Variants in NKPD1 observed in about 807,000 individuals in gnomAD.
NKPD1 encodes the protein NTPase KAP family P-loop domain-containing protein 1.
Under a neutral mutation model 42.2 loss-of-function variants are expected in NKPD1, and 37 were observed. The observed-to-expected ratio is 0.88, with a 90% confidence interval of 0.67 to 1.15. NKPD1 has a LOEUF of 1.15. Ranked by LOEUF, NKPD1 falls within the 50% of genes most tolerant of loss-of-function variation. NKPD1 has a pLI of 0.00. For missense variants in NKPD1, 1,113 were observed against 1,174.6 expected (o/e 0.95, Z 0.77); for synonymous variants, 552 against 536.5 (o/e 1.03, Z -0.40).
rs900281529 is a variant in NKPD1, at chr19:45,158,433, C to T, written c.529+230G>A. 8.5e-5 allele frequency among the ~76,000 whole-genome samples: 13 copies of T among 152,216 alleles called. No homozygotes were observed. The highest frequency in any genetic ancestry group is 2.7e-4 in the African/African-American group (11 of 41,460). Reference sequence around the variant, plus strand: ...GGAGAGGGAGGCCTTCACTGCCTGGCGCAGGATGGAGGCACGGGGCAGGCC... The same window carrying T: ...GGAGAGGGAGGCCTTCACTGCCTGGTGCAGGATGGAGGCACGGGGCAGGCC... On this transcript the variant is annotated intron_variant, in intron 3 of 4. Transcript: ENST00000686631. The surrounding 1 kb of genome is among the most constrained non-coding windows in gnomAD (Gnocchi z 4.6).
chr19:45,154,757 T>C (rs1968869799), intron 4 of NKPD1, among the ~76,000 whole-genome samples: 1 of 151,968 alleles, frequency 6.6e-6, no homozygotes, highest in Admixed American at 6.6e-5. Context: ...TCGCGGTGAG[T>C]CACGCCTGTA....
chr19:45,157,921 T>C (rs946291007), intron 3 of NKPD1, among the ~76,000 whole-genome samples: 10 of 150,604 alleles, frequency 6.6e-5, no homozygotes, highest in African/African-American at 2.4e-4. Context: ...GATAGGGTTG[T>C]ACCATGTTGG....
chr19:45,159,896 C>T (rs971145311), intron 2 of NKPD1, among the ~76,000 whole-genome samples, 164 bp downstream of exon 2: 1 of 152,224 alleles, frequency 6.6e-6, no homozygotes, highest in African/African-American at 2.4e-5. Flanking sequence ...GCCCTGTGGT[C>T]CGGGTCCTGG....
chr19:45,157,915 G>T (rs1331006090), intron 3 of NKPD1, among the ~76,000 whole-genome samples: 1 of 151,804 alleles, frequency 6.6e-6, no homozygotes, highest in South Asian at 2.1e-4. Context: ...AGTAGAGATA[G>T]GGTTGTACCA....
In NKPD1 at chr19:45,153,603, G is replaced by T; in HGVS notation, c.834C>A (p.Phe278Leu). The T allele has an allele frequency of 6.4e-7, 1 of 1,573,238 alleles. No individual in the cohort carries two copies. The stretch of plus-strand genomic sequence containing the variant: ...CGTACTGCCAGGCGCTAAAGCGGAT[G>T]AAAAGGAACTGCACGTTCCTGCGCC... ...HLRRRNVQFLFIRFSAWQYAG... is the reference protein window; with the variant it reads ...HLRRRNVQFLLIRFSAWQYAG... Residue 278 changes from phenylalanine to leucine, a missense_variant, in exon 5 of 5, where the codon TTC (phenylalanine) becomes TTA (leucine). This residue lies in a region of NKPD1 where 867 missense variants were observed against 870.1 expected (regional missense o/e 1.00). Transcript: ENST00000686631.
At chr19:45,162,638 A>C (rs111596973), upstream of NKPD1, among the ~76,000 whole-genome samples, 2,194 of 152,068 alleles carry the variant, frequency 0.014, 61 homozygotes, top group African/African-American at 0.048. Flanking sequence ...CCCCAGCCCG[A>C]CCTGGCCTAC....
Position 45,153,635 on chromosome 19 carries a change from GCACCTCGGTGATGATGGGCTGCAGGAA to G in NKPD1, c.775_801del (p.Phe259_Val267del). 2.5e-6 allele frequency: 4 copies of G among 1,583,542 alleles called. No homozygotes were observed. The highest frequency in any genetic ancestry group is 3.4e-6 in the Non-Finnish European group (4 of 1,164,360). The stretch of plus-strand genomic sequence containing the variant: ...AACTGCACGTTCCTGCGCCGCAGGT[GCACCTCGGTGATGATGGGCTGCAGGAA>G]CACCAGGTACCACAGTAGCTGCGGG... On this transcript the variant is annotated inframe_deletion, in exon 5 of 5. Coordinates refer to ENST00000686631, the MANE Select transcript of NKPD1 (RefSeq NM_198478.4).
chr19:45,157,368 C>T (rs558030091), intron 3 of NKPD1, among the ~76,000 whole-genome samples: 1 of 152,306 alleles, frequency 6.6e-6, no homozygotes, highest in East Asian at 1.9e-4. Context: ...CCTGACATCC[C>T]CCATCTCCTG....
At chr19:45,159,657 C>T (rs951785403) in intron 2 of NKPD1, among the ~76,000 whole-genome samples, 1 of 152,098 alleles carries the variant, frequency 6.6e-6, no homozygotes, top group African/African-American at 2.4e-5. Context: ...GCACTGCCCC[C>T]TCCCCACCCT....
At chr19:45,159,188 C>G in intron 2 of NKPD1, 88 bp from the exon 3 acceptor site, 1 of 1,189,034 alleles carries the variant, frequency 8.4e-7, no homozygotes, top group Non-Finnish European at 1.1e-6. Flanking sequence ...TCAGGTAGAA[C>G]CTGGGGGCCA....
At chr19:45,162,689 C>A (rs1171827274), upstream of NKPD1, among the ~76,000 whole-genome samples, 1 of 152,202 alleles carries the variant, frequency 6.6e-6, no homozygotes, top group African/African-American at 2.4e-5. Context: ...GAAGACGCTC[C>A]GTTCTGTGCA....
At chr19:45,161,809 G>A (rs528423689), upstream of NKPD1, among the ~76,000 whole-genome samples, 2 of 152,192 alleles carry the variant, frequency 1.3e-5, no homozygotes, top group Non-Finnish European at 2.9e-5. Flanking sequence ...GGCTGCTGGC[G>A]TAACGGGGTC....
At position 45,152,336 on chromosome 19, in the gene NKPD1, G is replaced by A. The variant is rs778435217; in HGVS notation, c.2101C>T (p.Leu701=). 1.2e-6 allele frequency: 2 copies of A among 1,606,318 alleles called. No individual in the cohort carries two copies. The highest frequency in any genetic ancestry group is 2.2e-5 in the South Asian group (2 of 90,556). Residue 701 remains leucine (L), a synonymous_variant, in exon 5 of 5, where the codon CTG becomes TTG. Transcript: ENST00000686631. ...TGCAACGCCTTGGTCATGGTGTGCA[G>A]CTCGCGGCTGTTGTCGCGGAAAACG... is the stretch of plus-strand genomic sequence containing the variant. The part of the protein sequence containing the change: ...WDVFRDNSRE[L]HTMTKALQNV...
Position 45,152,606 on chromosome 19 carries a change from G to A in NKPD1, c.1831C>T (p.Leu611Phe). ...LFCLHDERDCLYEYVPDNVVS... is the reference protein window; with the variant it reads ...LFCLHDERDCFYEYVPDNVVS... Reference sequence around the variant, plus strand: ...ACGTTGTCGGGCACGTACTCGTAGAGGCAGTCGCGCTCGTCGTGAAGGCAG... The same window carrying A: ...ACGTTGTCGGGCACGTACTCGTAGAAGCAGTCGCGCTCGTCGTGAAGGCAG... The change falls in exon 5 of 5, where the codon CTC (leucine) becomes TTC (phenylalanine). Residue 611 changes from leucine (L) to phenylalanine (F), a missense_variant. This residue lies in a region of NKPD1 where 867 missense variants were observed against 870.1 expected (regional missense o/e 1.00). Transcript: ENST00000686631. The A allele has an allele frequency of 6.3e-7, 1 of 1,581,136 alleles. No homozygotes were observed. Among genetic ancestry groups the A allele is most frequent in the Non-Finnish European group, 8.5e-7 (1 of 1,173,406 alleles).
Position 45,151,899 on chromosome 19 carries a change from G to T in NKPD1, c.*39C>A, listed in dbSNP as rs1318890311. 1.9e-5 allele frequency: 28 copies of T among 1,497,518 alleles called. No homozygotes were observed. Among genetic ancestry groups the T allele is most frequent in the Non-Finnish European group, 2.3e-5 (26 of 1,119,726 alleles). The allele number at this position is 1,497,518 out of a possible 1,614,324, so 92.8% of individuals were successfully genotyped here. ...CCCTATTCTCCCATCTGGGCAGATG[G>T]AGGAACCCTTGCCTCCTGCTGCCCG... On this transcript the variant is annotated 3_prime_UTR_variant, in exon 5 of 5. Transcript: ENST00000686631.
intron 4 of NKPD1, among the ~76,000 whole-genome samples, chr19:45,154,146 G>A (rs1264005243): frequency 3.9e-5 from 6 of 152,220 alleles, no homozygotes; most frequent in Admixed American, 6.5e-5. Flanking sequence ...TCTGAGAGTG[G>A]GGCAGGGGAC....
At position 45,153,231 on chromosome 19, in the gene NKPD1, G is replaced by A. The variant is rs1181205400; in HGVS notation, c.1206C>T (p.His402=). 1 of 1,600,814 alleles carries A rather than the reference G, an allele frequency of 6.2e-7. No individual in the cohort carries two copies. Among genetic ancestry groups the A allele is most frequent in the Admixed American group, 1.7e-5 (1 of 58,520 alleles). Residue 402 remains histidine, a synonymous_variant, in exon 5 of 5, where the codon CAC becomes CAT. Coordinates refer to ENST00000686631, the MANE Select transcript of NKPD1 (RefSeq NM_198478.4). Reference sequence around the variant, plus strand: ...TCTTCTTGCGCTGGCTTACGAACAGGTGCTTGCCCACCGAGTACACGGCCA... The same window carrying A: ...TCTTCTTGCGCTGGCTTACGAACAGATGCTTGCCCACCGAGTACACGGCCA... The part of the protein sequence containing the change: ...LLMAVYSVGK[H]LFVSQRKKIE...
chr19:45,160,027 C>T (rs373124165), intron 2 of NKPD1, 33 bp downstream of exon 2: 6 of 1,212,250 alleles, frequency 4.9e-6, no homozygotes, highest in South Asian at 2.6e-5. Flanking sequence ...AGGCCTCTGT[C>T]GGCCATCACC....
Position 45,152,712 on chromosome 19 carries a change from C to G in NKPD1, c.1725G>C (p.Ala575=), listed in dbSNP as rs773984225. Residue 575 remains alanine (A), a synonymous_variant, in exon 5 of 5, where the codon GCG becomes GCC. Coordinates refer to ENST00000686631, the MANE Select transcript of NKPD1 (RefSeq NM_198478.4). ...DAGGESAQLL[A]VQAQAGTERG... is the part of the protein sequence containing the mutation. ...GCTCCGTCCCCGCCTGCGCCTGCAC[C>G]GCCAGCAGCTGCGCGCTCTCGCCCC... is the stretch of plus-strand genomic sequence containing the variant. 5.7e-5 allele frequency: 89 copies of G among 1,564,704 alleles called. No homozygotes were observed. Among genetic ancestry groups the G allele is most frequent in the Non-Finnish European group, 3.4e-5 (40 of 1,160,248 alleles).
Sources: gnomAD v4.1 joint callset for allele counts (sites outside exome capture counted in the v4.1 genomes callset) on GRCh38, gnomAD v4.1.1 for gene constraint, gnomAD v4.1.1 regional missense constraint, Gnocchi (gnomAD v3.1) non-coding constraint, MANE v1.5 for transcripts, NCBI Gene and HGNC (gene_info 2026-07-23, HGNC 2026-07-21) for gene names.